The following PDE2A variants were observed in gnomAD, a reference collection of about 807,000 sequenced individuals.
PDE2A encodes the protein phosphodiesterase 2A, also known as cGMP-dependent 3',5'-cyclic phosphodiesterase.
A neutral mutation model predicts 133.6 loss-of-function variants in PDE2A; 53 were observed. The ratio of observed to expected loss-of-function variants is 0.40; its 90% CI spans 0.32 to 0.50. The LOEUF (loss-of-function observed/expected upper bound fraction) is 0.50. Ranked by LOEUF, PDE2A falls within the 20% of genes least tolerant of loss-of-function variation. The pLI is 0.73. For missense variants in PDE2A, 796 were observed against 1,232.4 expected (o/e 0.65, Z 5.30); for synonymous variants, 491 against 490.2 (o/e 1.00, Z -0.02).
At chr11:72,577,875 G>A (rs1220812910) in intron 30 of PDE2A, among the ~76,000 whole-genome samples, 1 of 152,202 alleles carries the variant, frequency 6.6e-6, no homozygotes, top group Non-Finnish European at 1.5e-5. Context: ...GGGAGGCTGA[G>A]GCAGGAGAAT....
At chr11:72,663,545 A>G (rs578121813) in intron 1 of PDE2A, among the ~76,000 whole-genome samples, 58 of 152,198 alleles carry the variant, frequency 3.8e-4, no homozygotes, top group African/African-American at 1.3e-3. Flanking sequence ...CCTGGCCAAT[A>G]TGGTGAAACC....
At chr11:72,589,886 A>C in intron 10 of PDE2A, 21 bp downstream of exon 10, 1 of 1,611,268 alleles carries the variant, frequency 6.2e-7, no homozygotes. Context: ...CCCCCGCTCT[A>C]CAGTGGACCT....
At chr11:72,627,173 G>A (rs1015738619) in intron 2 of PDE2A, among the ~76,000 whole-genome samples, 2 of 152,176 alleles carry the variant, frequency 1.3e-5, no homozygotes, top group African/African-American at 4.8e-5. Context: ...AGTATTTATT[G>A]AGCACCTACC....
intron 13 of PDE2A, 120 bp from the exon 14 acceptor site, chr11:72,586,301 T>C (rs1855971415): frequency 1.5e-6 from 1 of 670,768 alleles, no homozygotes; most frequent in South Asian, 1.7e-5. Flanking sequence ...ATATAACCAC[T>C]GCACAGGCCC....
intron 2 of PDE2A, among the ~76,000 whole-genome samples, chr11:72,628,971 C>T (rs1191028040): frequency 1.3e-5 from 2 of 152,202 alleles, no homozygotes; most frequent in African/African-American, 4.8e-5. Flanking sequence ...GGCCTGGGCA[C>T]TCGGGTGGGG....
intron 1 of PDE2A, among the ~76,000 whole-genome samples, chr11:72,671,572 A>G (rs947344212): frequency 6.6e-6 from 1 of 152,042 alleles, no homozygotes; most frequent in African/African-American, 2.4e-5. Context: ...TGGAGTGGGA[A>G]GCAGGAAGAG....
intron 1 of PDE2A, among the ~76,000 whole-genome samples, chr11:72,646,365 CCA>C (rs1484025749): frequency 6.6e-6 from 1 of 152,232 alleles, no homozygotes; most frequent in African/African-American, 2.4e-5. Context: ...CAGGCCAGAT[CCA>C]ACAGCCTCAG....
In PDE2A at chr11:72,583,699, C is replaced by T. The variant is rs564811217; in HGVS notation, c.1651-184G>A. On this transcript the variant is annotated intron_variant, in intron 19 of 30. Coordinates refer to ENST00000334456, the MANE Select transcript of PDE2A (RefSeq NM_002599.5). ...CCCCACTTTCATCCAGACCCCGCGC[C>T]GGTTCCTCCTCATCAAGTTCTCCCA... The T allele has an allele frequency of 6.7e-4, 397 of 594,642 alleles. 2 individuals are homozygous for T. Among genetic ancestry groups the T allele is most frequent in the South Asian group, 6.7e-3 (334 of 50,192 alleles). The allele number at this position is 594,642 out of a possible 1,614,324, so 36.8% of individuals were successfully genotyped here. A position where few individuals can be genotyped will look rare whatever the true frequency, so the allele number is the denominator to read the frequency against.
chr11:72,652,614 AC>A, intron 1 of PDE2A: 1 of 456,242 alleles, frequency 2.2e-6, no homozygotes, highest in Admixed American at 2.3e-5. Flanking sequence ...ATTGATGACC[AC>A]CTACTAAGTG....
At chr11:72,642,005 C>T (rs555266152) in intron 2 of PDE2A, among the ~76,000 whole-genome samples, 3 of 152,230 alleles carry the variant, frequency 2.0e-5, no homozygotes, top group Non-Finnish European at 4.4e-5. Context: ...GCGGTCCCAC[C>T]GTGGACTGGA....
chr11:72,605,855 T>C lies in PDE2A; in HGVS notation c.235-629A>G, dbSNP rs200814386. On this transcript the variant is annotated intron_variant, in intron 3 of 30. Coordinates refer to ENST00000334456, the MANE Select transcript of PDE2A (RefSeq NM_002599.5). ...GTGCAGAATGGGCTCCCAGGCCTTA[T>C]AGCAGGTACACAGGTAGGTCCAGAG... is the stretch of plus-strand genomic sequence containing the variant. Among the ~76,000 whole-genome samples, 184 of 151,852 alleles carry C rather than the reference T, an allele frequency of 1.2e-3. 6 individuals are homozygous for C. The East Asian group carries it at 0.033, about 27-fold the overall frequency.
rs188742021 is a variant in PDE2A, at chr11:72,579,038, C to A, written c.2357-29G>T. 44 of 1,492,318 alleles carry A rather than the reference C, an allele frequency of 2.9e-5. No homozygotes were observed. The African/African-American group carries it at 4.5e-4, about 15-fold the overall frequency. The allele number at this position is 1,492,318 out of a possible 1,614,324, so 92.4% of individuals were successfully genotyped here. A position where few individuals can be genotyped will look rare whatever the true frequency, so the allele number is the denominator to read the frequency against. ...TTGAGGGGAGGATGGGGTCAAGGAG[C>A]GGGGCCCAGCCTCTTTGCCCTTCTG... On this transcript the variant is annotated intron_variant, in intron 27 of 30. Transcript: ENST00000334456.
chr11:72,577,568 G>A lies in PDE2A; in HGVS notation c.2642C>T (p.Ala881Val), dbSNP rs1317381946. Residue 881 changes from alanine (A) to valine (V), a missense_variant, in exon 31 of 31, where the codon GCG (alanine) becomes GTG (valine). Coordinates refer to ENST00000334456, the MANE Select transcript of PDE2A (RefSeq NM_002599.5). ...YKLLQDLFPK[A>V]AELYERVASN... ...GGCCACGCGCTCGTACAGCTCTGCC[G>A]CTTTGGGGAACAGGTCCTGCAACAG... The A allele has an allele frequency of 9.4e-6, 15 of 1,603,918 alleles. No individual in the cohort carries two copies. The Middle Eastern group carries it at 5.1e-4, about 54-fold the overall frequency.
intron 2 of PDE2A, among the ~76,000 whole-genome samples, chr11:72,624,977 T>C (rs460633): frequency 0.66 from 99,824 of 152,136 alleles, 33,098 homozygotes; most frequent in Middle Eastern, 0.78. Flanking sequence ...CCCACAAGCT[T>C]GGCCCCTCGT....
intron 1 of PDE2A, chr11:72,643,546 G>A (rs1279617060): frequency 2.0e-5 from 3 of 152,224 alleles, no homozygotes; most frequent in African/African-American, 7.2e-5. Flanking sequence ...CCCTCAATGT[G>A]GTCTGACCTG....
At chr11:72,618,487 G>A (rs1414870086) in intron 2 of PDE2A, among the ~76,000 whole-genome samples, 2 of 152,178 alleles carry the variant, frequency 1.3e-5, no homozygotes, top group Non-Finnish European at 2.9e-5. Flanking sequence ...CTGGGCAGGT[G>A]GGGCACCAAG....
rs1409117372 is a variant in PDE2A, at chr11:72,578,837, G to A, written c.2469+60C>T. ...CAGAGAGAGGGTATTCAGGCACAGG[G>A]GGCACCCAAAGCTGGGCAGGGTGGG... On this transcript the variant is annotated intron_variant, in intron 28 of 30. Coordinates refer to ENST00000334456, the MANE Select transcript of PDE2A (RefSeq NM_002599.5). The surrounding 1 kb of genome is among the most constrained non-coding windows in gnomAD (Gnocchi z 4.2). The A allele has an allele frequency of 9.8e-6, 10 of 1,020,368 alleles. No homozygotes were observed. Among genetic ancestry groups the A allele is most frequent in the Non-Finnish European group, 1.5e-5 (10 of 646,134 alleles). 63.2% of individuals were successfully genotyped at this position (1,020,368 alleles called of 1,614,324 possible). A position where few individuals can be genotyped will look rare whatever the true frequency, so the allele number is the denominator to read the frequency against.
rs116467321 is a variant in PDE2A, at chr11:72,586,412, G to C, written c.1071-231C>G. Among the ~76,000 whole-genome samples the C allele has an allele frequency of 4.9e-3, 752 of 152,274 alleles. 3 individuals carry two copies. The highest frequency in any genetic ancestry group is 0.017 in the African/African-American group (720 of 41,530). On this transcript the variant is annotated intron_variant, in intron 13 of 30. Coordinates refer to ENST00000334456, the MANE Select transcript of PDE2A (RefSeq NM_002599.5). ...GCTTGAAACCAGAGCCATACCTCCC[G>C]TCTCTGATTTGGGATTTACCCAGCC... is the stretch of plus-strand genomic sequence containing the variant.
At chr11:72,586,036 G>C (rs77402354) in intron 14 of PDE2A, 34 bp downstream of exon 14, 5 of 1,257,530 alleles carry the variant, frequency 4.0e-6, no homozygotes, top group South Asian at 1.3e-5. Context: ...TGAGCGAGTC[G>C]GTGCCCGAGA....
Sources: allele counts gnomAD v4.1 joint callset (sites outside exome capture counted in the v4.1 genomes callset), GRCh38; gene constraint gnomAD v4.1.1; non-coding constraint Gnocchi (gnomAD v3.1); transcripts MANE v1.5; gene names NCBI Gene and HGNC (gene_info 2026-07-23, HGNC 2026-07-21).